Variants in MCMDC2 observed in about 807,000 individuals in gnomAD.
MCMDC2 encodes the protein minichromosome maintenance domain containing 2.
MCMDC2 carries 54 observed loss-of-function variants against 75.8 expected under a neutral mutation model. The observed-to-expected ratio is 0.71, with a 90% confidence interval of 0.57 to 0.89. MCMDC2 has a LOEUF of 0.89. Ranked by LOEUF, MCMDC2 falls within the 40% of genes least tolerant of loss-of-function variation. MCMDC2 has a pLI of 0.00. For missense variants in MCMDC2, 656 were observed against 780.4 expected (o/e 0.84, Z 1.90); for synonymous variants, 249 against 274.6 (o/e 0.91, Z 0.92).
downstream of MCMDC2, chr8:66,922,155 T>A (rs1196246260): frequency 1.3e-5 from 2 of 155,672 alleles, no homozygotes. Flanking sequence ...AATCATTCCA[T>A]ACTCAAAGTT....
intron 9 of MCMDC2, among the ~76,000 whole-genome samples, chr8:66,888,913 C>T (rs1199688711): frequency 1.3e-5 from 2 of 152,146 alleles, no homozygotes; most frequent in South Asian, 2.1e-4. Context: ...TTTGGGGTGG[C>T]ACTTGGCATT....
chr8:66,914,575 G>A (rs1317727481), intron 14 of MCMDC2, among the ~76,000 whole-genome samples: 2 of 152,174 alleles, frequency 1.3e-5, no homozygotes, highest in African/African-American at 2.4e-5. Context: ...AGGTTAGAGA[G>A]GAAAGTAAGA....
intron 14 of MCMDC2, among the ~76,000 whole-genome samples, chr8:66,916,230 A>T (rs545458519): frequency 2.0e-5 from 3 of 152,238 alleles, no homozygotes; most frequent in Admixed American, 2.0e-4. Context: ...AGGAAGATCA[A>T]CAAGTGAAGT....
At chr8:66,905,429 T>A (rs906855448) in intron 14 of MCMDC2, 94 bp downstream of exon 14, 1 of 1,061,338 alleles carries the variant, frequency 9.4e-7, no homozygotes. Context: ...CATATATTTT[T>A]AAAATATTAT....
intron 10 of MCMDC2, among the ~76,000 whole-genome samples, chr8:66,894,265 G>A (rs1236215274): frequency 2.0e-5 from 3 of 152,210 alleles, no homozygotes; most frequent in African/African-American, 7.2e-5. Context: ...TGAACTAGGT[G>A]TACTTCTAAT....
intron 10 of MCMDC2, among the ~76,000 whole-genome samples, chr8:66,894,148 C>T (rs1812235710): frequency 1.3e-5 from 2 of 152,288 alleles, no homozygotes; most frequent in Non-Finnish European, 2.9e-5. Context: ...GCTGGACTCC[C>T]ATGTGTCATG....
At chr8:66,916,858 A>G (rs1039244475) in intron 14 of MCMDC2, among the ~76,000 whole-genome samples, 1 of 152,130 alleles carries the variant, frequency 6.6e-6, no homozygotes. Flanking sequence ...CGTGGGATGT[A>G]TGGCTGAGGC....
chr8:66,904,236 T>C (rs181763205), intron 13 of MCMDC2, among the ~76,000 whole-genome samples: 1 of 151,988 alleles, frequency 6.6e-6, no homozygotes, highest in East Asian at 1.9e-4. Flanking sequence ...ATGAGGAGAG[T>C]AGCCATCATG....
intron 14 of MCMDC2, among the ~76,000 whole-genome samples, chr8:66,918,071 GTTTTT>G (rs1335517371): frequency 1.3e-5 from 2 of 151,306 alleles, no homozygotes; most frequent in Non-Finnish European, 2.9e-5. Context: ...TTGTCATTTT[GTTTTT>G]TATTTTTATA....
intron 14 of MCMDC2, among the ~76,000 whole-genome samples, chr8:66,910,750 A>G (rs1250807307): frequency 6.6e-6 from 1 of 152,004 alleles, no homozygotes; most frequent in African/African-American, 2.4e-5. Context: ...CGGAGGTTGT[A>G]GTGAGATGAG....
intron 5 of MCMDC2, 122 bp from the exon 6 acceptor site, chr8:66,878,452 G>A: frequency 1.1e-6 from 1 of 896,262 alleles, no homozygotes; most frequent in Non-Finnish European, 1.6e-6. Flanking sequence ...GCTACAATCT[G>A]TGTCAGTAAT....
chr8:66,889,633 C>A (rs548224636), intron 9 of MCMDC2, among the ~76,000 whole-genome samples: 1 of 151,278 alleles, frequency 6.6e-6, no homozygotes, highest in African/African-American at 2.4e-5. Context: ...CCCGTCTCTC[C>A]AAAAAAAACA....
chr8:66,904,683 A>C (rs574595117), intron 13 of MCMDC2, among the ~76,000 whole-genome samples: 1 of 152,318 alleles, frequency 6.6e-6, no homozygotes, highest in South Asian at 2.1e-4. Flanking sequence ...CTGGTTAAAA[A>C]ATTAAAAATA....
At chr8:66,904,083 G>T (rs1812810691) in intron 13 of MCMDC2, among the ~76,000 whole-genome samples, 1 of 151,998 alleles carries the variant, frequency 6.6e-6, no homozygotes, top group Non-Finnish European at 1.5e-5. Context: ...ATGTAATATG[G>T]CTATTAATAA....
intron 4 of MCMDC2, among the ~76,000 whole-genome samples, chr8:66,875,289 CT>C (rs1205237332): frequency 6.6e-6 from 1 of 151,750 alleles, no homozygotes; most frequent in Non-Finnish European, 1.5e-5. Context: ...TTTCTTCTTT[CT>C]TTTTTTGAGA....
intron 14 of MCMDC2, among the ~76,000 whole-genome samples, chr8:66,917,898 TTTCAG>T (rs1452569312): frequency 6.6e-6 from 1 of 152,224 alleles, no homozygotes; most frequent in East Asian, 1.9e-4. Flanking sequence ...AAGATCCTGC[TTTCAG>T]TTCTTTTGGG....
chr8:66,885,622 T>G (rs1382436278), intron 9 of MCMDC2, among the ~76,000 whole-genome samples: 1 of 152,170 alleles, frequency 6.6e-6, no homozygotes, highest in Non-Finnish European at 1.5e-5. Context: ...GTTTTTTTCT[T>G]TTTAGGTAAA....
chr8:66,923,429 A>G (rs1813622935), downstream of MCMDC2, among the ~76,000 whole-genome samples: 1 of 152,230 alleles, frequency 6.6e-6, no homozygotes, highest in African/African-American at 2.4e-5. Flanking sequence ...TTGCAAAAAC[A>G]ATCATTTTCA....
chr8:66,919,191 C>A lies in MCMDC2; in HGVS notation c.*22C>A. 1 of 1,529,978 alleles carries A rather than the reference C, an allele frequency of 6.5e-7. No individual in the cohort carries two copies. Among genetic ancestry groups the A allele is most frequent in the South Asian group, 1.3e-5 (1 of 79,844 alleles). 94.8% of individuals were successfully genotyped at this position (1,529,978 alleles called of 1,614,324 possible). A position where few individuals can be genotyped will look rare whatever the true frequency, so the allele number is the denominator to read the frequency against. On this transcript the variant is annotated 3_prime_UTR_variant, in exon 15 of 15. Coordinates refer to ENST00000422365, the MANE Select transcript of MCMDC2 (RefSeq NM_173518.5). ...ATAAGCAATTTGAGGAATTTTTGTT[C>A]ATTCCTACTTAAGCAGTGGAGAAAA...
Sources: allele counts gnomAD v4.1 joint callset (sites outside exome capture counted in the v4.1 genomes callset), GRCh38; gene constraint gnomAD v4.1.1; transcripts MANE v1.5; gene names NCBI Gene and HGNC (gene_info 2026-07-23, HGNC 2026-07-21).